Variants in SEMA4G observed in about 807,000 individuals in gnomAD.
The protein encoded by SEMA4G is semaphorin 4G.
Under a neutral mutation model 81.2 loss-of-function variants are expected in SEMA4G, and 59 were observed. The observed-to-expected ratio is 0.73, with a 90% CI of 0.59 to 0.90. The LOEUF (loss-of-function observed/expected upper bound fraction) is 0.90. Among genes scored for constraint, SEMA4G ranks in the 40% least tolerant of loss-of-function variants. The pLI is 0.00. For missense variants in SEMA4G, 952 were observed against 1,102.3 expected (o/e 0.86, Z 1.93); for synonymous variants, 404 against 433.9 (o/e 0.93, Z 0.86).
chr10:100,978,265 A>C, intron 4 of SEMA4G, 30 bp from the exon 6 acceptor site: 3 of 1,573,984 alleles, frequency 1.9e-6, no homozygotes, highest in Non-Finnish European at 1.7e-6. Flanking sequence ...TGTCTTCGGA[A>C]CCACTTACTG....
At chr10:100,978,542 C>T (rs773841551) in exon 6 of SEMA4G, 16 of 1,613,996 alleles carry the variant, frequency 9.9e-6, no homozygotes, top group Non-Finnish European at 1.1e-5. Context: ...GGCCTCTACA[C>T]AGCCACTAGG....
At chr10:100,975,736 C>T (rs780791882) in intron 3 of SEMA4G, among the ~76,000 whole-genome samples, 8 of 151,896 alleles carry the variant, frequency 5.3e-5, no homozygotes, top group Admixed American at 2.0e-4. Context: ...CACATCCATG[C>T]GAGTAGTAGT....
chr10:100,976,987 C>A (rs924307076), intron 3 of SEMA4G, among the ~76,000 whole-genome samples: 2 of 152,016 alleles, frequency 1.3e-5, no homozygotes, highest in Admixed American at 6.6e-5. Flanking sequence ...AGTCAAGAGA[C>A]TTTTAGGACA....
At chr10:100,978,350 C>T in exon 5 of SEMA4G, 1 of 1,613,698 alleles carries the variant, frequency 6.2e-7, no homozygotes. Context: ...GAGAAGTGTC[C>T]TTATGACCCA....
In SEMA4G at chr10:100,973,375, C is replaced by G. The variant is rs1425361892; in HGVS notation, c.273+98C>G. The G allele has an allele frequency of 6.6e-7, 1 of 1,506,896 alleles. No individual in the cohort carries two copies. The highest frequency in any genetic ancestry group is 1.4e-5 in the African/African-American group (1 of 72,466). The allele number at this position is 1,506,896 out of a possible 1,614,324, so 93.3% of individuals were successfully genotyped here. On this transcript the variant is annotated intron_variant, in intron 2 of 13. Coordinates refer to ENST00000370250, the Ensembl canonical transcript of SEMA4G. This position sits in a 1 kb window ranked among gnomAD's most constrained non-coding sequence, Gnocchi z 5.5. ...AAAACCCTGCCAGCCTTCCATAGCC[C>G]CCTGGTCAGACAGCACTGCCCTTCC...
intron 3 of SEMA4G, among the ~76,000 whole-genome samples, chr10:100,975,586 G>A (rs753763605): frequency 6.6e-6 from 1 of 152,186 alleles, no homozygotes; most frequent in African/African-American, 2.4e-5. Context: ...CGCTGGGCAC[G>A]GTGGCTCAGG....
exon 14 of SEMA4G, chr10:100,984,235 A>C: frequency 6.8e-7 from 1 of 1,463,818 alleles, no homozygotes; most frequent in Non-Finnish European, 9.0e-7. Context: ...CCCCCACTCC[A>C]TACCCTTCTC....
At chr10:100,984,032 A>G (rs1851288279) in exon 14 of SEMA4G, 6 of 1,613,652 alleles carry the variant, frequency 3.7e-6, no homozygotes, top group Non-Finnish European at 5.1e-6. Context: ...ACAATGGAGT[A>G]CCAGCAGGGC....
rs1850879080 is a variant in SEMA4G, at chr10:100,978,070, G to C, written c.436-225G>C. On this transcript the variant is annotated intron_variant, in intron 4 of 13. Transcript: ENST00000370250. The stretch of plus-strand genomic sequence containing the variant: ...CAGATGTTCTTCATAGATAAGGAGT[G>C]AATCTCTAGGTTGGCCACTTGCAGA... The C allele has an allele frequency of 1.0e-5, 6 of 582,024 alleles. No homozygotes were observed. The South Asian group carries it at 1.2e-4, about 12-fold the overall frequency. The allele number at this position is 582,024 out of a possible 1,614,324, so 36.1% of individuals were successfully genotyped here.
At chr10:100,972,006 C>T (rs1323265308), upstream of SEMA4G, among the ~76,000 whole-genome samples, 1 of 151,914 alleles carries the variant, frequency 6.6e-6, no homozygotes, top group Non-Finnish European at 1.5e-5. Flanking sequence ...CAGAGATGTG[C>T]ACCCCCTTGG....
chr10:100,983,411 G>T, exon 14 of SEMA4G: 2 of 1,612,882 alleles, frequency 1.2e-6, no homozygotes, highest in Non-Finnish European at 1.7e-6. Flanking sequence ...TACTCAATGG[G>T]AGCATGGGCC....
At chr10:100,984,039 G>T in exon 14 of SEMA4G, 2 of 1,613,676 alleles carry the variant, frequency 1.2e-6, no homozygotes, top group Non-Finnish European at 1.7e-6. Flanking sequence ...AGTACCAGCA[G>T]GGCCCTGCTC....
At position 100,983,942 on chromosome 10, in the gene SEMA4G, G is replaced by T. The variant is rs766151814; in HGVS notation, c.2328G>T (p.Glu776Asp). ...CACCGCCCCCACCGCCACCGGCTGA[G>T]CTGACCAATGGCTTGGTGGCACTGC... Residue 776 changes from glutamate to aspartate, a missense_variant, in exon 14 of 14, where the codon GAG becomes GAT. Physicochemically the swap from Glu to Asp is conservative, Grantham distance 45 (BLOSUM62 2). Around this residue, in one of 3 missense-constraint regions of SEMA4G, gnomAD observed 385 missense variants for 413.5 expected, o/e 0.93. Transcript: ENST00000370250. The T allele has an allele frequency of 3.1e-6, 5 of 1,604,348 alleles. No individual in the cohort carries two copies. The African/African-American group carries it at 6.8e-5, about 22-fold the overall frequency.
At chr10:100,984,701 A>C (rs909015462) in exon 14 of SEMA4G, 3 of 1,535,938 alleles carry the variant, frequency 2.0e-6, no homozygotes, top group Non-Finnish European at 2.6e-6. Context: ...CTGCTTCTGG[A>C]CTTGGGGTAC....
chr10:100,970,334 G>T (rs558014296), upstream of SEMA4G, among the ~76,000 whole-genome samples: 8 of 152,018 alleles, frequency 5.3e-5, no homozygotes, highest in African/African-American at 1.2e-4. Context: ...CAGGTTAAGT[G>T]GGGGCTGAGA....
chr10:100,981,043 G>GA, intron 12 of SEMA4G, 46 bp downstream of exon 13: 2 of 1,596,568 alleles, frequency 1.3e-6, no homozygotes, highest in East Asian at 4.5e-5. Context: ...CTGAGTGGAG[G>GA]AGGAAGGCCT....
chr10:100,981,186 C>A, exon 13 of SEMA4G: 1 of 1,614,178 alleles, frequency 6.2e-7, no homozygotes, highest in Non-Finnish European at 8.5e-7. Context: ...TGATACAGGA[C>A]ATAGAGAGAG....
At chr10:100,980,611 G>A (rs1425740385) in exon 11 of SEMA4G, 1 of 1,614,214 alleles carries the variant, frequency 6.2e-7, no homozygotes, top group Non-Finnish European at 8.5e-7. Flanking sequence ...GTAGTCCTGG[G>A]CTCTGGGATG....
intron 13 of SEMA4G, among the ~76,000 whole-genome samples, chr10:100,981,716 G>C (rs1789766484): frequency 6.6e-6 from 1 of 152,224 alleles, no homozygotes; most frequent in South Asian, 2.1e-4. Context: ...AGCCCAGGGA[G>C]TGTAAGTAAA....
Sources: gnomAD v4.1 joint callset for allele counts (sites outside exome capture counted in the v4.1 genomes callset) on GRCh38, gnomAD v4.1.1 for gene constraint, gnomAD v4.1.1 regional missense constraint, Gnocchi (gnomAD v3.1) non-coding constraint, MANE v1.5 for transcripts, NCBI Gene and HGNC (gene_info 2026-07-23, HGNC 2026-07-21) for gene names.